The following PTPRD variants were observed in gnomAD, a reference collection of about 807,000 sequenced individuals.
PTPRD encodes protein tyrosine phosphatase receptor type D.
PTPRD carries 34 observed loss-of-function variants against 214.5 expected under a neutral mutation model. That is an observed-to-expected ratio of 0.16 (90% CI 0.12 to 0.21). The LOEUF (loss-of-function observed/expected upper bound fraction) is 0.21, where lower values mean the gene tolerates loss of function less well. PTPRD is among the 10% of genes least tolerant of loss of function. PTPRD has a pLI of 1.00. For synonymous variants in PTPRD, 1,128 were observed against 845.7 expected (o/e 1.33, Z -5.79); for missense variants, 2,545 against 2,398.7 (o/e 1.06, Z -1.27).
At chr9:9,294,659 T>C (rs1952391362) in intron 9 of PTPRD, among the ~76,000 whole-genome samples, 1 of 151,642 alleles carries the variant, frequency 6.6e-6, no homozygotes. Context: ...GGAGGCCGTC[T>C]ATCAGCCAAG....
At chr9:8,468,557 T>C (rs2096589119) in intron 31 of PTPRD, among the ~76,000 whole-genome samples, 1 of 151,918 alleles carries the variant, frequency 6.6e-6, no homozygotes, top group African/African-American at 2.4e-5. Flanking sequence ...AAGATAATTT[T>C]GAGAGTAATG....
At chr9:9,809,875 T>G (rs140470795) in intron 5 of PTPRD, among the ~76,000 whole-genome samples, 2 of 152,234 alleles carry the variant, frequency 1.3e-5, no homozygotes, top group Admixed American at 1.3e-4. Context: ...AGGTTGGAAA[T>G]TATCAAATAC....
intron 5 of PTPRD, among the ~76,000 whole-genome samples, chr9:9,903,052 T>A (rs1313256039): frequency 1.3e-5 from 2 of 151,028 alleles, no homozygotes; most frequent in Admixed American, 1.3e-4. Flanking sequence ...GGATTTTACA[T>A]ATGTATATGT....
At chr9:9,594,746 A>G (rs1452950468) in intron 7 of PTPRD, among the ~76,000 whole-genome samples, 4 of 152,024 alleles carry the variant, frequency 2.6e-5, no homozygotes, top group Non-Finnish European at 5.9e-5. Context: ...AGCTTTGGCT[A>G]TGTCGGCTTT....
intron 3 of PTPRD, among the ~76,000 whole-genome samples, chr9:10,325,947 C>A (rs543814073): frequency 1.3e-5 from 2 of 151,816 alleles, no homozygotes; most frequent in South Asian, 2.1e-4. Context: ...ATGTAACAAA[C>A]AGAAACTGCT....
chr9:10,454,144 C>G (rs966754566), intron 2 of PTPRD, among the ~76,000 whole-genome samples: 1 of 151,502 alleles, frequency 6.6e-6, no homozygotes, highest in African/African-American at 2.4e-5. Flanking sequence ...AAACTGTAAT[C>G]AACAGATTAT....
intron 3 of PTPRD, among the ~76,000 whole-genome samples, chr9:10,257,814 G>A (rs1231285615): frequency 6.6e-6 from 1 of 151,974 alleles, no homozygotes; most frequent in East Asian, 1.9e-4. Context: ...AATAATACAA[G>A]GCCAACTAAA....
At chr9:9,311,964 A>G (rs1292092129) in intron 9 of PTPRD, among the ~76,000 whole-genome samples, 1 of 152,218 alleles carries the variant, frequency 6.6e-6, no homozygotes, top group East Asian at 1.9e-4. Flanking sequence ...TCCATTATAA[A>G]TTATGCTAAA....
Position 10,410,270 on chromosome 9 carries a change from T to TATATATATATATACAC in PTPRD, c.-599-69254_-599-69253insGTGTATATATATATAT, listed in dbSNP as rs532202941. Among the ~76,000 whole-genome samples the TATATATATATATACAC allele has an allele frequency of 1.4e-3, 199 of 139,838 alleles. 1 individual carries two copies. The highest frequency in any genetic ancestry group is 4.8e-3 in the African/African-American group (189 of 39,122). 91.7% of individuals were successfully genotyped at this position (139,838 alleles called of 152,430 possible). On this transcript the variant is annotated intron_variant, in intron 2 of 45. Transcript: ENST00000381196. ...TATTTTGTGTATATATATATATATATACACACACACACACAATATATAATA... is the reference window on the plus strand; with the variant it reads ...TATTTTGTGTATATATATATATATATATATATATATATACACACACACACACACACAATATATAATA...
At position 9,798,361 on chromosome 9, in the gene PTPRD, A is replaced by C. The variant is rs538515640; in HGVS notation, c.-367-31510T>G. Among the ~76,000 whole-genome samples the C allele has an allele frequency of 2.1e-3, 327 of 152,290 alleles. 1 individual carries two copies. The highest frequency in any genetic ancestry group is 3.8e-3 in the Non-Finnish European group (260 of 68,006). ...AGAGAAACCTGTGTATTTTTACGCT[A>C]CATTTGATGAAGTAAATAGTTGTGA... On this transcript the variant is annotated intron_variant, in intron 5 of 45. Coordinates refer to ENST00000381196, the MANE Select transcript of PTPRD (RefSeq NM_002839.4).
At chr9:9,169,362 A>G (rs913942842) in intron 10 of PTPRD, among the ~76,000 whole-genome samples, 59 of 152,224 alleles carry the variant, frequency 3.9e-4, no homozygotes, top group African/African-American at 1.4e-3. Context: ...GGACTTTTAC[A>G]TTTTCAAAGA....
At chr9:8,565,117 T>A (rs755920187) in intron 14 of PTPRD, among the ~76,000 whole-genome samples, 1 of 152,108 alleles carries the variant, frequency 6.6e-6, no homozygotes, top group African/African-American at 2.4e-5. Context: ...CCATGTAATC[T>A]GCTCCCTGCT....
chr9:9,697,450 A>C (rs949566034), intron 7 of PTPRD, among the ~76,000 whole-genome samples: 2 of 152,100 alleles, frequency 1.3e-5, no homozygotes, highest in African/African-American at 2.4e-5. Flanking sequence ...TGTTGGGTAC[A>C]TAATTTTTGT....
chr9:10,027,396 G>A (rs1030890469), intron 4 of PTPRD, among the ~76,000 whole-genome samples: 2 of 152,178 alleles, frequency 1.3e-5, no homozygotes, highest in African/African-American at 2.4e-5. Flanking sequence ...AGATTCCCTA[G>A]TTCACAAACA....
rs2135950241 is a variant in PTPRD at position 8,486,112 on chromosome 9, C to T, written c.2705G>A (p.Gly902Asp). The T allele has an allele frequency of 1.2e-6, 2 of 1,614,188 alleles. No individual in the cohort carries two copies. The highest frequency in any genetic ancestry group is 1.7e-6 in the Non-Finnish European group (2 of 1,180,028). The change falls in exon 28 of 46, where the codon GGC (glycine) becomes GAC (aspartate). Residue 902 changes from glycine (G) to aspartate (D), a missense_variant. Coordinates refer to ENST00000381196, the MANE Select transcript of PTPRD (RefSeq NM_002839.4). ...CTCCTTCACCATCTCCTCCCCAAAG[C>T]CCACTTTGTTTCTGGCTGAGAGCCT... The part of the protein sequence containing the change: ...VFRLSARNKV[G>D]FGEEMVKEIS...
intron 39 of PTPRD, among the ~76,000 whole-genome samples, chr9:8,369,564 G>A (rs2080912838): frequency 6.6e-6 from 1 of 151,384 alleles, no homozygotes; most frequent in Non-Finnish European, 1.5e-5. Flanking sequence ...AGAGTGGTTT[G>A]ATTCTATGAT....
At chr9:8,961,815 G>T (rs887026284) in intron 11 of PTPRD, among the ~76,000 whole-genome samples, 1 of 152,050 alleles carries the variant, frequency 6.6e-6, no homozygotes, top group Non-Finnish European at 1.5e-5. Flanking sequence ...ATCCAGGACT[G>T]CAGTTTCCAT....
chr9:9,431,326 G>A (rs2083024717), intron 8 of PTPRD, among the ~76,000 whole-genome samples: 1 of 152,174 alleles, frequency 6.6e-6, no homozygotes, highest in Admixed American at 6.5e-5. Flanking sequence ...CTGGCCATCA[G>A]AGAAATACAA....
At chr9:9,848,257 T>C (rs777294619) in intron 5 of PTPRD, among the ~76,000 whole-genome samples, 2 of 152,150 alleles carry the variant, frequency 1.3e-5, no homozygotes, top group Non-Finnish European at 1.5e-5. Context: ...CTGCTTCTGT[T>C]ATGTTCATTT....
Sources: gnomAD v4.1 joint callset for allele counts (sites outside exome capture counted in the v4.1 genomes callset) on GRCh38, gnomAD v4.1.1 for gene constraint, MANE v1.5 for transcripts, NCBI Gene and HGNC (gene_info 2026-07-23, HGNC 2026-07-21) for gene names.